The following LDAH variants were observed in gnomAD, a reference collection of about 807,000 sequenced individuals.
LDAH encodes lipid droplet-associated hydrolase.
Under a neutral mutation model 29.6 loss-of-function variants are expected in LDAH, and 26 were observed. The observed-to-expected ratio is 0.88, with a 90% CI of 0.64 to 1.22. The LOEUF is 1.22. Among genes scored for constraint, LDAH ranks in the 50% most tolerant of loss-of-function variants. The pLI is 0.00. For synonymous variants in LDAH, 117 were observed against 133.0 expected (o/e 0.88, Z 0.83); for missense variants, 344 against 387.3 (o/e 0.89, Z 0.94).
intron 4 of LDAH, among the ~76,000 whole-genome samples, chr2:20,740,971 C>A (rs1384804361): frequency 6.6e-6 from 1 of 152,162 alleles, no homozygotes; most frequent in Admixed American, 6.5e-5. Context: ...GCCATTCTAA[C>A]AGGTGTGGCG....
At chr2:20,784,272 G>A (rs1043261296) in intron 3 of LDAH, among the ~76,000 whole-genome samples, 75 of 152,150 alleles carry the variant, frequency 4.9e-4, no homozygotes, top group African/African-American at 1.7e-3. Flanking sequence ...CAGGCATGCT[G>A]GCACACACTT....
At chr2:20,716,411 G>A (rs1254910522) in intron 5 of LDAH, among the ~76,000 whole-genome samples, 1 of 152,042 alleles carries the variant, frequency 6.6e-6, no homozygotes, top group African/African-American at 2.4e-5. Context: ...AGAAGGATGA[G>A]TTAATGTCCT....
intron 3 of LDAH, among the ~76,000 whole-genome samples, chr2:20,779,077 G>A (rs1328309239): frequency 6.6e-6 from 1 of 152,090 alleles, no homozygotes; most frequent in African/African-American, 2.4e-5. Context: ...GACTGAGTCT[G>A]CAGACAGTAA....
intron 1 of LDAH, among the ~76,000 whole-genome samples, chr2:20,821,460 T>G (rs1673292013): frequency 6.6e-6 from 1 of 152,192 alleles, no homozygotes; most frequent in Admixed American, 6.5e-5. Flanking sequence ...GTTCATGTCC[T>G]TTGTAGGGAC....
intron 5 of LDAH, among the ~76,000 whole-genome samples, chr2:20,731,700 G>A (rs1218091761): frequency 6.6e-6 from 1 of 152,026 alleles, no homozygotes; most frequent in Non-Finnish European, 1.5e-5. Flanking sequence ...GGCTAAAAAT[G>A]TACATTATAT....
intron 6 of LDAH, among the ~76,000 whole-genome samples, chr2:20,696,612 C>G (rs139072015): frequency 3.3e-5 from 5 of 152,144 alleles, no homozygotes; most frequent in East Asian, 1.9e-4. Context: ...GAATTCCCCC[C>G]CTAAGTGGGT....
At chr2:20,715,116 G>A (rs6727083) in intron 5 of LDAH, among the ~76,000 whole-genome samples, 61,220 of 151,998 alleles carry the variant, frequency 0.4, 13,088 homozygotes, top group African/African-American at 0.53. Context: ...ATGAACATCA[G>A]TGCAAAAATC....
At position 20,698,080 on chromosome 2, in the gene LDAH, G is replaced by A. The variant is rs1357659979; in HGVS notation, c.786+3490C>T. Among the ~76,000 whole-genome samples, 3 of 152,096 alleles carry A rather than the reference G, an allele frequency of 2.0e-5. No individual in the cohort carries two copies. Among genetic ancestry groups the A allele is most frequent in the South Asian group, 2.1e-4 (1 of 4,834 alleles). ...TGAGTAGAATCCAAAAGCTTTATGA[G>A]AGAGCGAAAGAGATGCATGGCACAA... On this transcript the variant is annotated intron_variant, in intron 6 of 6. Transcript: ENST00000237822. This position sits in a 1 kb window ranked among gnomAD's most constrained non-coding sequence, Gnocchi z 4.4.
chr2:20,790,961 C>T (rs959584656), intron 2 of LDAH, among the ~76,000 whole-genome samples: 2 of 152,128 alleles, frequency 1.3e-5, no homozygotes, highest in African/African-American at 2.4e-5. Context: ...GAAATTACAA[C>T]GAAATGGGAT....
At chr2:20,704,299 A>G (rs1664158256) in intron 5 of LDAH, among the ~76,000 whole-genome samples, 1 of 152,192 alleles carries the variant, frequency 6.6e-6, no homozygotes, top group Non-Finnish European at 1.5e-5. Context: ...TCAGAACAGG[A>G]TATTTAGTCG....
intron 4 of LDAH, among the ~76,000 whole-genome samples, chr2:20,757,321 C>A (rs1037912406): frequency 6.6e-5 from 10 of 152,108 alleles, no homozygotes; most frequent in African/African-American, 1.9e-4. Flanking sequence ...TCAGTGGAAA[C>A]TATTAAAGGA....
At chr2:20,725,470 G>C (rs774776870) in intron 5 of LDAH, among the ~76,000 whole-genome samples, 16 of 152,272 alleles carry the variant, frequency 1.1e-4, no homozygotes, top group Non-Finnish European at 1.6e-4. Flanking sequence ...CAGGAACATG[G>C]CAACGATGGA....
rs79788436 is a variant in LDAH at position 20,763,534 on chromosome 2, A to T, written c.468+11276T>A. Among the ~76,000 whole-genome samples, 1,159 of 152,326 alleles carry T rather than the reference A, an allele frequency of 7.6e-3. 4 individuals are homozygous for T. The highest frequency in any genetic ancestry group is 0.012 in the Non-Finnish European group (849 of 68,022). The stretch of plus-strand genomic sequence containing the variant: ...ACTTTGAGACATGTTGGCTTATTCA[A>T]ATTAGTGCCCAGTGTCATCTATTAT... On this transcript the variant is annotated intron_variant, in intron 4 of 6. Coordinates refer to ENST00000237822, the MANE Select transcript of LDAH (RefSeq NM_021925.4).
At chr2:20,703,379 G>A (rs1664089128) in intron 5 of LDAH, among the ~76,000 whole-genome samples, 1 of 152,102 alleles carries the variant, frequency 6.6e-6, no homozygotes, top group Admixed American at 6.5e-5. Context: ...GTCATTTCTT[G>A]ATAACTTATT....
chr2:20,723,455 CTTAAA>C (rs1216783454), intron 5 of LDAH, among the ~76,000 whole-genome samples: 2 of 151,764 alleles, frequency 1.3e-5, no homozygotes, highest in Non-Finnish European at 2.9e-5. Flanking sequence ...TTTTGTCATT[CTTAAA>C]TTAAAAAAAA....
rs191281557 is a variant in LDAH at position 20,692,631 on chromosome 2, T to C, written c.787-5537A>G. Among the ~76,000 whole-genome samples, 4 of 152,358 alleles carry C rather than the reference T, an allele frequency of 2.6e-5. No individual in the cohort carries two copies. In the East Asian group the frequency reaches 7.7e-4, roughly 29 times the overall value. ...ATATATTTGTTGTTGGTGTTAACCT[T>C]ATGGATAAACTGAATTTTAGAAGCT... On this transcript the variant is annotated intron_variant, in intron 6 of 6. Transcript: ENST00000237822.
rs189814545 is a variant in LDAH at position 20,684,721 on chromosome 2, C to A, written c.*2182G>T. ...GCTGGGAACAGACTAGGAACAAACA[C>A]GGGTGTGGTCAAAGCTCAATCGCTG... On this transcript the variant is annotated 3_prime_UTR_variant, in exon 7 of 7. Transcript: ENST00000237822. The A allele has an allele frequency of 2.7e-4, 190 of 700,516 alleles. 1 individual carries two copies. The African/African-American group carries it at 3.0e-3, about 11-fold the overall frequency. 43.4% of individuals were successfully genotyped at this position (700,516 alleles called of 1,614,324 possible).
chr2:20,711,949 AG>A (rs1664796933), intron 5 of LDAH, among the ~76,000 whole-genome samples: 1 of 152,230 alleles, frequency 6.6e-6, no homozygotes, highest in Non-Finnish European at 1.5e-5. Flanking sequence ...TCCACCTCTG[AG>A]GGCAGGGCAT....
chr2:20,737,970 TG>T (rs1397479709), intron 5 of LDAH, among the ~76,000 whole-genome samples: 3 of 152,006 alleles, frequency 2.0e-5, no homozygotes, highest in African/African-American at 7.3e-5. Context: ...TATCGATTCT[TG>T]GGCCGGACAT....
Sources: allele counts gnomAD v4.1 joint callset (sites outside exome capture counted in the v4.1 genomes callset), GRCh38; gene constraint gnomAD v4.1.1; non-coding constraint Gnocchi (gnomAD v3.1); transcripts MANE v1.5; gene names NCBI Gene and HGNC (gene_info 2026-07-23, HGNC 2026-07-21).